The following SORCS2 variants were observed in gnomAD, a reference collection of about 807,000 sequenced individuals.
The protein encoded by SORCS2 is VPS10 domain-containing receptor SorCS2.
A neutral mutation model predicts 141.6 loss-of-function variants in SORCS2; 100 were observed. The observed-to-expected ratio is 0.71, with a 90% CI of 0.60 to 0.83. The LOEUF is 0.83. Among genes scored for constraint, SORCS2 ranks in the 40% least tolerant of loss-of-function variants. The pLI is 0.00. For synonymous variants in SORCS2, 789 were observed against 676.9 expected (o/e 1.17, Z -2.57); for missense variants, 1,646 against 1,560.2 (o/e 1.05, Z -0.93).
Position 7,663,960 on chromosome 4 carries a change from A to G in SORCS2, c.953-393A>G, listed in dbSNP as rs370043376. On this transcript the variant is annotated intron_variant, in intron 6 of 26. Transcript: ENST00000507866. The surrounding 1 kb of genome is among the most constrained non-coding windows in gnomAD (Gnocchi z 4.8). Reference sequence around the variant, plus strand: ...TGGAAAAGGGTAGAAGCAGTTGCTTAAAATTTGGGGGAAAAGAACCCTTGA... The same window carrying G: ...TGGAAAAGGGTAGAAGCAGTTGCTTGAAATTTGGGGGAAAAGAACCCTTGA... 3.9e-5 allele frequency among the ~76,000 whole-genome samples: 6 copies of G among 152,328 alleles called. No homozygotes were observed. In the East Asian group the frequency reaches 1.2e-3, roughly 29 times the overall value.
chr4:7,697,275 G>A lies in SORCS2; in HGVS notation c.1668+1G>A. 6.3e-7 allele frequency: 1 copy of A among 1,583,246 alleles called. No homozygotes were observed. Among genetic ancestry groups the A allele is most frequent in the Non-Finnish European group, 8.6e-7 (1 of 1,165,006 alleles). ...AGACTGTGGTCACACCTGGCGGCAG[G>A]TAAGCTGGCTGGGAGGTGCCTGGTA... On this transcript the variant is annotated splice_donor_variant, in intron 12 of 26. Transcript: ENST00000507866. LOFTEE classifies it high-confidence loss of function.
chr4:7,213,725 A>G lies in SORCS2; in HGVS notation c.480+20599A>G, dbSNP rs547862823. 2.0e-5 allele frequency among the ~76,000 whole-genome samples: 3 copies of G among 152,338 alleles called. No homozygotes were observed. The South Asian group carries it at 6.2e-4, about 32-fold the overall frequency. On this transcript the variant is annotated intron_variant, in intron 1 of 26. Transcript: ENST00000507866. ...GCAGAGTTCTCCCCCTGGGAACAGC[A>G]GAGCTGGGTCTAGAGCCAGGTCTCA...
intron 3 of SORCS2, among the ~76,000 whole-genome samples, chr4:7,635,651 G>C (rs1332968727): frequency 6.6e-6 from 1 of 152,184 alleles, no homozygotes; most frequent in African/African-American, 2.4e-5. Context: ...CCAGTCGTTA[G>C]CTGTTCTTTG....
At chr4:7,594,624 T>G (rs1478943930) in intron 3 of SORCS2, among the ~76,000 whole-genome samples, 1 of 152,114 alleles carries the variant, frequency 6.6e-6, no homozygotes, top group South Asian at 2.1e-4. Flanking sequence ...TCTCCCTCCC[T>G]TCCTAATTTA....
intron 1 of SORCS2, among the ~76,000 whole-genome samples, chr4:7,340,756 A>G (rs1720322967): frequency 6.6e-6 from 1 of 151,918 alleles, no homozygotes; most frequent in Non-Finnish European, 1.5e-5. Context: ...AAGGGGAAAC[A>G]TGGGGCCCCA....
intron 2 of SORCS2, chr4:7,434,205 C>A: frequency 1.2e-6 from 2 of 1,613,814 alleles, no homozygotes; most frequent in Admixed American, 3.3e-5. Context: ...AGAGGTAGTT[C>A]TTGCAGAGGA....
At chr4:7,334,424 C>T (rs1391411731) in intron 1 of SORCS2, among the ~76,000 whole-genome samples, 1 of 152,112 alleles carries the variant, frequency 6.6e-6, no homozygotes. Context: ...GGGGCTGGTC[C>T]CCCCTCCCAT....
chr4:7,206,583 G>T (rs1365054812), intron 1 of SORCS2, among the ~76,000 whole-genome samples: 2 of 152,154 alleles, frequency 1.3e-5, no homozygotes, highest in African/African-American at 4.8e-5. Flanking sequence ...AGAGCTGGCT[G>T]CCAGAGAGAC....
In SORCS2 at chr4:7,538,589, A is replaced by T. The variant is rs1018160414; in HGVS notation, c.648+6960A>T. Among the ~76,000 whole-genome samples, 3 of 32,304 alleles carry T rather than the reference A, an allele frequency of 9.3e-5. No individual in the cohort carries two copies. In the Admixed American group the frequency reaches 1.8e-3, roughly 20 times the overall value. The allele number at this position is 32,304 out of a possible 152,430, so 21.2% of individuals were successfully genotyped here. A position where few individuals can be genotyped will look rare whatever the true frequency, so the allele number is the denominator to read the frequency against. The stretch of plus-strand genomic sequence containing the variant: ...CAGTGTTGGCTTGAATATTAAAATC[A>T]CACACACACACACACACACACATTT... On this transcript the variant is annotated intron_variant, in intron 3 of 26. Coordinates refer to ENST00000507866, the MANE Select transcript of SORCS2 (RefSeq NM_020777.3).
At chr4:7,392,898 C>CGG (rs11299698) in intron 1 of SORCS2, among the ~76,000 whole-genome samples, 3 of 137,760 alleles carry the variant, frequency 2.2e-5, no homozygotes, top group African/African-American at 7.8e-5. Context: ...CCCTCCCAGT[C>CGG]GGGGGGGGGG....
chr4:7,565,713 A>G (rs950891206), intron 3 of SORCS2, among the ~76,000 whole-genome samples: 1 of 150,056 alleles, frequency 6.7e-6, no homozygotes, highest in Middle Eastern at 3.3e-3. Flanking sequence ...GACGGTGGTG[A>G]TGGTGCTGTG....
intron 2 of SORCS2, among the ~76,000 whole-genome samples, chr4:7,414,300 G>A (rs1381630546): frequency 1.3e-5 from 2 of 152,156 alleles, no homozygotes; most frequent in East Asian, 1.9e-4. Context: ...AAGGAGCCCC[G>A]TCCTACCCCC....
intron 2 of SORCS2, among the ~76,000 whole-genome samples, chr4:7,408,517 C>T (rs1438874547): frequency 6.6e-6 from 1 of 152,022 alleles, no homozygotes; most frequent in Non-Finnish European, 1.5e-5. Flanking sequence ...TCTCTTGCTG[C>T]TTTATAAATC....
At chr4:7,510,186 G>T (rs183043531) in intron 2 of SORCS2, among the ~76,000 whole-genome samples, 1 of 152,240 alleles carries the variant, frequency 6.6e-6, no homozygotes, top group Non-Finnish European at 1.5e-5. Flanking sequence ...GATTGAAACC[G>T]ATGTGGATGC....
chr4:7,324,677 C>T (rs1028099680), intron 1 of SORCS2, among the ~76,000 whole-genome samples: 1 of 152,210 alleles, frequency 6.6e-6, no homozygotes, highest in East Asian at 1.9e-4. Flanking sequence ...GCCAGGAGAC[C>T]TCCTCCACCC....
intron 3 of SORCS2, among the ~76,000 whole-genome samples, chr4:7,601,401 T>C (rs951805077): frequency 4.9e-4 from 75 of 152,240 alleles, no homozygotes; most frequent in Non-Finnish European, 7.9e-4. Context: ...AGGTTGTTTT[T>C]CACTAGATAG....
At chr4:7,289,619 C>T (rs577498869) in intron 1 of SORCS2, among the ~76,000 whole-genome samples, 1 of 152,322 alleles carries the variant, frequency 6.6e-6, no homozygotes, top group South Asian at 2.1e-4. Flanking sequence ...TAATAAAGCC[C>T]TCCCAGGCCC....
chr4:7,262,100 A>G (rs1714365298), intron 1 of SORCS2, among the ~76,000 whole-genome samples: 1 of 152,194 alleles, frequency 6.6e-6, no homozygotes, highest in Non-Finnish European at 1.5e-5. Context: ...GGGGAAGATA[A>G]TGGAGGTGGC....
chr4:7,664,390 C>A lies in SORCS2; in HGVS notation c.990C>A (p.Ser330=). The change falls in exon 7 of 27, where the codon TCC becomes TCA. Residue 330 remains serine, a synonymous_variant. Transcript: ENST00000507866. The surrounding 1 kb of genome is among the most constrained non-coding windows in gnomAD (Gnocchi z 4.7). ...TCACCTGCGCAATCCACAATTGCTC[C>A]GAGAAGATGCTGACAGCCCCATTCG... is the stretch of plus-strand genomic sequence containing the variant. ...RYVTCAIHNC[S]EKMLTAPFAG... The A allele has an allele frequency of 6.2e-7, 1 of 1,613,810 alleles. No homozygotes were observed.
Sources: gnomAD v4.1 joint callset for allele counts (sites outside exome capture counted in the v4.1 genomes callset) on GRCh38, gnomAD v4.1.1 for gene constraint, Gnocchi (gnomAD v3.1) non-coding constraint, MANE v1.5 for transcripts, NCBI Gene and HGNC (gene_info 2026-07-23, HGNC 2026-07-21) for gene names.